The following ADARB1 variants were observed in gnomAD, a reference collection of about 807,000 sequenced individuals.
The protein encoded by ADARB1 is adenosine deaminase RNA specific B1.
Under a neutral mutation model 52.4 loss-of-function variants are expected in ADARB1, and 10 were observed. That is an observed-to-expected ratio of 0.19 (90% CI 0.12 to 0.32). The LOEUF is 0.32. Among genes scored for constraint, ADARB1 ranks in the 10% least tolerant of loss-of-function variants. The pLI is 1.00. For synonymous variants in ADARB1, 349 were observed against 371.1 expected (o/e 0.94, Z 0.68); for missense variants, 643 against 922.3 (o/e 0.70, Z 3.92).
At position 45,172,368 on chromosome 21, in the gene ADARB1, A is replaced by G. The variant is rs2091519550; in HGVS notation, c.28+684A>G. Among the ~76,000 whole-genome samples the G allele has an allele frequency of 6.6e-6, 1 of 152,192 alleles. No homozygotes were observed. The highest frequency in any genetic ancestry group is 2.1e-4 in the South Asian group (1 of 4,826). ...GTAGAGAAATTACAACAAAGGCATC[A>G]TTGCTCTAACTAATATAAATATCTG... On this transcript the variant is annotated intron_variant, in intron 3 of 10. Transcript: ENST00000348831. This position sits in a 1 kb window ranked among gnomAD's most constrained non-coding sequence, Gnocchi z 4.4.
At chr21:45,144,707 T>G (rs548957533) in intron 2 of ADARB1, 2 of 442,900 alleles carry the variant, frequency 4.5e-6, no homozygotes, top group African/African-American at 4.0e-5. Flanking sequence ...CTCTGGTAAC[T>G]TCATGTGAAA....
intron 9 of ADARB1, among the ~76,000 whole-genome samples, chr21:45,206,929 C>G (rs2092679304): frequency 6.6e-6 from 1 of 152,212 alleles, no homozygotes; most frequent in South Asian, 2.1e-4. Flanking sequence ...CTCCCCTGGT[C>G]CCCGCTGCAG....
At chr21:45,119,124 C>G (rs941532565) in intron 1 of ADARB1, among the ~76,000 whole-genome samples, 1 of 152,192 alleles carries the variant, frequency 6.6e-6, no homozygotes, top group Admixed American at 6.5e-5. Flanking sequence ...GGGTCTCGCT[C>G]TGTCACCCAG....
intron 1 of ADARB1, among the ~76,000 whole-genome samples, chr21:45,096,948 T>A (rs1451602941): frequency 6.6e-6 from 1 of 151,792 alleles, no homozygotes; most frequent in Non-Finnish European, 1.5e-5. Flanking sequence ...ACCGTGTTAG[T>A]CAGGATGGTC....
At chr21:45,149,548 GGGAC>G (rs2145938811) in intron 2 of ADARB1, among the ~76,000 whole-genome samples, 1 of 152,288 alleles carries the variant, frequency 6.6e-6, no homozygotes, top group Non-Finnish European at 1.5e-5. Flanking sequence ...AAAATATGTG[GGGAC>G]CTATGGTTTT....
At chr21:45,106,025 G>A (rs1204697955) in intron 1 of ADARB1, among the ~76,000 whole-genome samples, 8 of 152,188 alleles carry the variant, frequency 5.3e-5, no homozygotes, top group Non-Finnish European at 1.2e-4. Flanking sequence ...AAATTCTTTT[G>A]TAAGAACAAG....
chr21:45,168,452 T>G (rs2091342742), intron 2 of ADARB1, among the ~76,000 whole-genome samples: 1 of 152,264 alleles, frequency 6.6e-6, no homozygotes, highest in South Asian at 2.1e-4. Context: ...GTTTTATGTT[T>G]TGCATGTAAG....
chr21:45,092,971 G>C (rs78661406), intron 1 of ADARB1, among the ~76,000 whole-genome samples: 1 of 151,422 alleles, frequency 6.6e-6, no homozygotes, highest in East Asian at 1.9e-4. Flanking sequence ...TTCTAAAGTC[G>C]AGGCTATCTC....
At chr21:45,198,759 A>G (rs1419115842) in intron 8 of ADARB1, among the ~76,000 whole-genome samples, 1 of 152,254 alleles carries the variant, frequency 6.6e-6, no homozygotes, top group Non-Finnish European at 1.5e-5. Context: ...AGACAAGGAC[A>G]GTAAAGGAAA....
intron 1 of ADARB1, among the ~76,000 whole-genome samples, chr21:45,106,286 G>A (rs1044385658): frequency 6.6e-6 from 1 of 151,542 alleles, no homozygotes; most frequent in Non-Finnish European, 1.5e-5. Context: ...TCTGTGTTCA[G>A]CGTGGGTTGT....
chr21:45,182,861 C>T lies in ADARB1; in HGVS notation c.1247+108C>T, dbSNP rs528335337. The T allele has an allele frequency of 1.3e-5, 14 of 1,113,316 alleles. No individual in the cohort carries two copies. In the East Asian group the frequency reaches 3.1e-4, roughly 25 times the overall value. 69.0% of individuals were successfully genotyped at this position (1,113,316 alleles called of 1,614,324 possible). A position where few individuals can be genotyped will look rare whatever the true frequency, so the allele number is the denominator to read the frequency against. On this transcript the variant is annotated intron_variant, in intron 6 of 10. Coordinates refer to ENST00000348831, the MANE Select transcript of ADARB1 (RefSeq NM_001112.4). ...GTTTCTGTAATCATGGAAAATCTCT[C>T]AAAATCATAACTTTAATTAGTAACA...
rs534809164 is a variant in ADARB1, at chr21:45,178,003, T to G, written c.963+1339T>G. ...CTACTAGATCCCATGTGATTTTTTA[T>G]TTTCAGGATTACTCTTTGCTAAAAT... On this transcript the variant is annotated intron_variant, in intron 4 of 10. Transcript: ENST00000348831. Among the ~76,000 whole-genome samples, 19 of 152,262 alleles carry G rather than the reference T, an allele frequency of 1.2e-4. No homozygotes were observed. The South Asian group carries it at 3.5e-3, about 28-fold the overall frequency.
Position 45,221,606 on chromosome 21 carries a change from G to A in ADARB1, c.1927-412G>A, listed in dbSNP as rs961915066. Among the ~76,000 whole-genome samples, 2 of 152,178 alleles carry A rather than the reference G, an allele frequency of 1.3e-5. No homozygotes were observed. The highest frequency in any genetic ancestry group is 3.8e-4 in the East Asian group (2 of 5,196). The stretch of plus-strand genomic sequence containing the variant: ...CCTGTTCACCAGGGGCAGCACCCAG[G>A]CCAGCTGCCACAAGTCCAAGGTCCA... On this transcript the variant is annotated intron_variant, in intron 10 of 10. Transcript: ENST00000348831. This position sits in a 1 kb window ranked among gnomAD's most constrained non-coding sequence, Gnocchi z 4.9.
At chr21:45,211,516 A>C (rs2092769496) in intron 9 of ADARB1, among the ~76,000 whole-genome samples, 1 of 152,196 alleles carries the variant, frequency 6.6e-6, no homozygotes, top group African/African-American at 2.4e-5. Flanking sequence ...AATAACCCTA[A>C]AATATCCATT....
At position 45,224,743 on chromosome 21, in the gene ADARB1, A is replaced by C. The variant is rs950394925; in HGVS notation, c.*2546A>C. On this transcript the variant is annotated 3_prime_UTR_variant, in exon 11 of 11. Transcript: ENST00000348831. Reference sequence around the variant, plus strand: ...AGCCCTGGGCGGGGCGGCTGTGGGGAGGAAGGTGACGTGCAGGGGACCAGA... The same window carrying C: ...AGCCCTGGGCGGGGCGGCTGTGGGGCGGAAGGTGACGTGCAGGGGACCAGA... 2 of 965,128 alleles carry C rather than the reference A, an allele frequency of 2.1e-6. No homozygotes were observed. Among genetic ancestry groups the C allele is most frequent in the African/African-American group, 4.0e-5 (2 of 49,892 alleles). 59.8% of individuals were successfully genotyped at this position (965,128 alleles called of 1,614,324 possible).
intron 1 of ADARB1, among the ~76,000 whole-genome samples, chr21:45,080,498 C>T (rs1330545073): frequency 6.6e-6 from 1 of 152,202 alleles, no homozygotes; most frequent in Non-Finnish European, 1.5e-5. Flanking sequence ...TCAAGACATG[C>T]TGCCCTTTTG....
At position 45,135,454 on chromosome 21, in the gene ADARB1, G is replaced by A. The variant is rs145110469; in HGVS notation, c.-48+6881G>A. Among the ~76,000 whole-genome samples the A allele has an allele frequency of 4.6e-5, 7 of 152,336 alleles. No homozygotes were observed. In the East Asian group the frequency reaches 1.2e-3, roughly 25 times the overall value. On this transcript the variant is annotated intron_variant, in intron 2 of 10. Coordinates refer to ENST00000348831, the MANE Select transcript of ADARB1 (RefSeq NM_001112.4). The stretch of plus-strand genomic sequence containing the variant: ...ATATCTCCTTCCAGGGAATCTCAGA[G>A]GACTCAGTGATTTAAGAGGAAAAGA...
chr21:45,172,586 T>C lies in ADARB1; in HGVS notation c.28+902T>C, dbSNP rs943061163. On this transcript the variant is annotated intron_variant, in intron 3 of 10. Coordinates refer to ENST00000348831, the MANE Select transcript of ADARB1 (RefSeq NM_001112.4). The surrounding 1 kb of genome is among the most constrained non-coding windows in gnomAD (Gnocchi z 4.4). ...AAACCATGACCCAGTGAAGCATTTC[T>C]GCATGGTATTGATTTCTGCATGGTA... 1.3e-5 allele frequency among the ~76,000 whole-genome samples: 2 copies of C among 152,162 alleles called. No homozygotes were observed. Among genetic ancestry groups the C allele is most frequent in the Non-Finnish European group, 2.9e-5 (2 of 68,028 alleles).
Position 45,223,372 on chromosome 21 carries a change from C to T in ADARB1, c.*1175C>T, listed in dbSNP as rs931570864. The T allele has an allele frequency of 1.3e-5, 13 of 985,512 alleles. No individual in the cohort carries two copies. The Admixed American group carries it at 2.5e-4, about 19-fold the overall frequency. 61.0% of individuals were successfully genotyped at this position (985,512 alleles called of 1,614,324 possible). ...GAGCTCAGGGCTGCCCAGCGCCCAG[C>T]GTGCACGGGACGGCCCCACGACAGA... On this transcript the variant is annotated 3_prime_UTR_variant, in exon 11 of 11. Coordinates refer to ENST00000348831, the MANE Select transcript of ADARB1 (RefSeq NM_001112.4).
Sources: allele counts gnomAD v4.1 joint callset (sites outside exome capture counted in the v4.1 genomes callset), GRCh38; gene constraint gnomAD v4.1.1; non-coding constraint Gnocchi (gnomAD v3.1); transcripts MANE v1.5; gene names NCBI Gene and HGNC (gene_info 2026-07-23, HGNC 2026-07-21).